Variants in NRXN1 observed in about 807,000 individuals in gnomAD.
The protein encoded by NRXN1 is neurexin 1.
NRXN1 carries 39 observed loss-of-function variants against 150.9 expected under a neutral mutation model. The observed-to-expected ratio is 0.26, with a 90% confidence interval of 0.20 to 0.34. NRXN1 has a LOEUF of 0.34. Among genes scored for constraint, NRXN1 ranks in the 10% least tolerant of loss-of-function variants. NRXN1 has a pLI of 1.00. For missense variants in NRXN1, 1,815 were observed against 1,949.9 expected (o/e 0.93, Z 1.30); for synonymous variants, 924 against 757.0 (o/e 1.22, Z -3.62).
intron 18 of NRXN1, among the ~76,000 whole-genome samples, chr2:50,092,743 T>G (rs1388369090): frequency 6.6e-6 from 1 of 152,180 alleles, no homozygotes; most frequent in African/African-American, 2.4e-5. Flanking sequence ...GGATGTTATT[T>G]TGCAGTATTG....
chr2:50,684,203 CATT>C (rs1015591569), intron 5 of NRXN1, among the ~76,000 whole-genome samples: 3 of 151,984 alleles, frequency 2.0e-5, no homozygotes, highest in Admixed American at 1.3e-4. Flanking sequence ...TGTAAAATTA[CATT>C]ATTAACATCT....
At chr2:50,052,997 A>T (rs191261192) in intron 21 of NRXN1, among the ~76,000 whole-genome samples, 308 of 152,300 alleles carry the variant, frequency 2.0e-3, no homozygotes, top group Non-Finnish European at 3.5e-3. Context: ...CGATCTACTC[A>T]GCTTGGGCCA....
At chr2:50,788,337 T>C (rs1199332205) in intron 5 of NRXN1, among the ~76,000 whole-genome samples, 1 of 152,024 alleles carries the variant, frequency 6.6e-6, no homozygotes, top group Non-Finnish European at 1.5e-5. Context: ...ATCCGCCGCC[T>C]CGGCCTCCTA....
chr2:50,585,863 G>T (rs376712396), intron 8 of NRXN1, among the ~76,000 whole-genome samples: 1 of 152,134 alleles, frequency 6.6e-6, no homozygotes, highest in Admixed American at 6.5e-5. Context: ...GCAGTAAGTG[G>T]TAACTTGAGA....
At chr2:50,005,298 C>G (rs1009679221) in intron 21 of NRXN1, among the ~76,000 whole-genome samples, 1 of 152,054 alleles carries the variant, frequency 6.6e-6, no homozygotes, top group Non-Finnish European at 1.5e-5. Context: ...ATATGGTATA[C>G]TATAGAAAGC....
intron 8 of NRXN1, among the ~76,000 whole-genome samples, chr2:50,578,657 G>A (rs546682926): frequency 6.6e-6 from 1 of 151,884 alleles, no homozygotes; most frequent in Admixed American, 6.6e-5. Flanking sequence ...CACATGTATA[G>A]GCTTGTATAT....
At chr2:50,340,326 G>A (rs114563077) in intron 17 of NRXN1, among the ~76,000 whole-genome samples, 1,624 of 152,278 alleles carry the variant, frequency 0.011, 25 homozygotes, top group African/African-American at 0.037. Context: ...GCCATTACAA[G>A]CTTCTATGTG....
chr2:50,452,101 TA>T (rs2087022623), intron 17 of NRXN1, among the ~76,000 whole-genome samples: 1 of 152,192 alleles, frequency 6.6e-6, no homozygotes, highest in Non-Finnish European at 1.5e-5. Flanking sequence ...AATAGCTACA[TA>T]AACATGAAAG....
intron 5 of NRXN1, among the ~76,000 whole-genome samples, chr2:50,654,256 C>T (rs1686074749): frequency 8.6e-6 from 1 of 115,976 alleles, no homozygotes; most frequent in South Asian, 2.7e-4. Context: ...TCAATTCCCA[C>T]CTATGAGTGA....
At chr2:50,351,855 A>AT (rs1421225122) in intron 17 of NRXN1, among the ~76,000 whole-genome samples, 1 of 152,048 alleles carries the variant, frequency 6.6e-6, no homozygotes, top group Non-Finnish European at 1.5e-5. Context: ...TTTGGAAGAC[A>AT]TTTTTTTCAG....
chr2:50,225,889 A>G (rs775432020), intron 18 of NRXN1, among the ~76,000 whole-genome samples: 5 of 151,992 alleles, frequency 3.3e-5, no homozygotes, highest in African/African-American at 4.8e-5. Flanking sequence ...TTATTTAACT[A>G]GAGAAAATGC....
At chr2:50,914,782 A>G (rs895261998) in intron 5 of NRXN1, among the ~76,000 whole-genome samples, 2 of 151,694 alleles carry the variant, frequency 1.3e-5, no homozygotes, top group Admixed American at 1.3e-4. Context: ...TACTATGAGA[A>G]AGAAAAAATA....
chr2:50,513,661 G>T (rs950385723), intron 12 of NRXN1, among the ~76,000 whole-genome samples: 9 of 152,066 alleles, frequency 5.9e-5, no homozygotes, highest in Admixed American at 2.0e-4. Flanking sequence ...ACTGGTTTAT[G>T]AATGTGGAGG....
At chr2:50,768,467 ATT>A in intron 5 of NRXN1, among the ~76,000 whole-genome samples, 1 of 144,332 alleles carries the variant, frequency 6.9e-6, no homozygotes, top group African/African-American at 2.5e-5. Flanking sequence ...CACCCTGATG[ATT>A]TTTTTTTTTT....
chr2:50,289,207 A>G (rs1355657259), intron 17 of NRXN1, among the ~76,000 whole-genome samples: 3 of 152,120 alleles, frequency 2.0e-5, no homozygotes, highest in Non-Finnish European at 1.5e-5. Flanking sequence ...AAATCTGTAG[A>G]GCCCCAAGGT....
rs143224153 is a variant in NRXN1, at chr2:50,167,331, C to T, written c.3546+69458G>A. On this transcript the variant is annotated intron_variant, in intron 18 of 22. Transcript: ENST00000401669. ...AACACTCTCCTAGGAATTTAATTAT[C>T]CTTCGTTGGAGGAAATCCTCTCGCT... is the stretch of plus-strand genomic sequence containing the variant. Among the ~76,000 whole-genome samples the T allele has an allele frequency of 5.7e-3, 868 of 152,152 alleles. 12 individuals are homozygous for T. The highest frequency in any genetic ancestry group is 0.02 in the African/African-American group (818 of 41,508).
At chr2:50,465,722 T>C (rs1030974645) in intron 16 of NRXN1, among the ~76,000 whole-genome samples, 161 bp from the exon 17 acceptor site, 1 of 151,926 alleles carries the variant, frequency 6.6e-6, no homozygotes, top group Non-Finnish European at 1.5e-5. Context: ...ACTGAGAGGC[T>C]GTAATATGAA....
At chr2:50,137,076 A>G (rs577510886) in intron 18 of NRXN1, among the ~76,000 whole-genome samples, 1 of 152,332 alleles carries the variant, frequency 6.6e-6, no homozygotes. Flanking sequence ...TGAAAGGTAA[A>G]AGACAAACCA....
intron 18 of NRXN1, among the ~76,000 whole-genome samples, chr2:50,201,274 G>A (rs935494229): frequency 3.3e-5 from 5 of 152,064 alleles, no homozygotes; most frequent in Non-Finnish European, 5.9e-5. Context: ...GTTGAACGAC[G>A]GAATCACACA....
Sources: gnomAD v4.1 joint callset for allele counts (sites outside exome capture counted in the v4.1 genomes callset) on GRCh38, gnomAD v4.1.1 for gene constraint, MANE v1.5 for transcripts, NCBI Gene and HGNC (gene_info 2026-07-23, HGNC 2026-07-21) for gene names.